Variants in AK3 observed in about 807,000 individuals in gnomAD.
AK3 encodes the protein adenylate kinase 3, also known as GTP:AMP phosphotransferase AK3, mitochondrial.
AK3 carries 27 observed loss-of-function variants against 23.7 expected under a neutral mutation model. That is an observed-to-expected ratio of 1.14 (90% CI 0.84 to 1.57). The LOEUF is 1.57. Ranked by LOEUF, AK3 falls within the 40% of genes most tolerant of loss-of-function variation. The pLI, the probability that AK3 is intolerant of heterozygous loss-of-function variation, is 0.00. For missense variants in AK3, 406 were observed against 285.6 expected (o/e 1.42, Z -3.04); for synonymous variants, 159 against 116.0 (o/e 1.37, Z -2.38).
chr9:4,714,161 C>G (rs548330588), intron 4 of AK3, among the ~76,000 whole-genome samples: 2 of 128,400 alleles, frequency 1.6e-5, no homozygotes, highest in Non-Finnish European at 3.2e-5. Context: ...TCCACATACA[C>G]ACACCTCCAC....
intron 1 of AK3, among the ~76,000 whole-genome samples, chr9:4,740,288 C>G (rs972626897): frequency 6.6e-6 from 1 of 151,848 alleles, no homozygotes; most frequent in African/African-American, 2.4e-5. Flanking sequence ...TTGTTAACTG[C>G]CTTTCGTGCC....
chr9:4,729,015 A>ATATATATATATATATTTTTT (rs71326127), intron 1 of AK3, among the ~76,000 whole-genome samples: 2 of 129,450 alleles, frequency 1.5e-5, no homozygotes, highest in Admixed American at 8.0e-5. Flanking sequence ...ATATATATAT[A>ATATATATATATATATTTTTT]TTTTTTTTTT....
intron 4 of AK3, among the ~76,000 whole-genome samples, chr9:4,713,976 T>TACACGCC (rs1563780934): frequency 3.1e-4 from 3 of 9,834 alleles, no homozygotes; most frequent in African/African-American, 4.7e-4. Flanking sequence ...ACCTCCACAT[T>TACACGCC]TACACACCTA....
intron 4 of AK3, among the ~76,000 whole-genome samples, chr9:4,713,904 GCCTA>G (rs1841630241): frequency 2.2e-3 from 2 of 902 alleles, no homozygotes; most frequent in African/African-American, 9.1e-3. Context: ...GTACACCTAC[GCCTA>G]CACATATACA....
chr9:4,715,691 C>G (rs1257511478), intron 4 of AK3, among the ~76,000 whole-genome samples: 1 of 152,156 alleles, frequency 6.6e-6, no homozygotes, highest in African/African-American at 2.4e-5. Context: ...GCCACTGTCC[C>G]AGGCCCCTTC....
intron 3 of AK3, 140 bp downstream of exon 3, chr9:4,718,995 G>C (rs1049875612): frequency 7.8e-5 from 74 of 945,892 alleles, no homozygotes; most frequent in Non-Finnish European, 1.1e-4. Flanking sequence ...GACTTGATCA[G>C]TCAACTCTAC....
At chr9:4,722,776 G>T in intron 1 of AK3, 151 bp from the exon 2 acceptor site, 1 of 1,239,698 alleles carries the variant, frequency 8.1e-7, no homozygotes, top group Non-Finnish European at 1.1e-6. Context: ...AAAGGTTATG[G>T]CCGGGAACAG....
chr9:4,734,668 T>C (rs1392687600), intron 1 of AK3, among the ~76,000 whole-genome samples: 3 of 152,188 alleles, frequency 2.0e-5, no homozygotes, highest in African/African-American at 7.2e-5. Flanking sequence ...TGACCAGGCT[T>C]ACCTTTTTAA....
chr9:4,720,198 A>G (rs922045729), intron 2 of AK3, among the ~76,000 whole-genome samples: 1 of 152,200 alleles, frequency 6.6e-6, no homozygotes, highest in African/African-American at 2.4e-5. Flanking sequence ...TAGCTAAACA[A>G]TGTGGTTCAA....
Position 4,713,004 on chromosome 9 carries a change from C to G in AK3, c.656G>C (p.Arg219Thr), listed in dbSNP as rs1225462093. Residue 219 changes from arginine to threonine, a missense_variant, in exon 5 of 5, where the codon AGA becomes ACA. Transcript: ENST00000381809. ...YAFLQTKVPQ[R>T]SQKASVTP is the part of the protein sequence containing the mutation. ...TGGAGTAACTGAAGCTTTCTGGCTT[C>G]TTTGTGGAACTTTAGTTTGTAGGAA... 1.2e-6 allele frequency: 2 copies of G among 1,613,646 alleles called. No homozygotes were observed. The highest frequency in any genetic ancestry group is 1.7e-6 in the Non-Finnish European group (2 of 1,179,714).
At position 4,717,757 on chromosome 9, in the gene AK3, C is replaced by T. The variant is rs190790397; in HGVS notation, c.563+662G>A. On this transcript the variant is annotated intron_variant, in intron 4 of 4. Transcript: ENST00000381809. ...AAACAGGCTTTGTGTTAGATGATTT[C>T]GCCCAACTGTAGGCTAATCTAAGTG... Among the ~76,000 whole-genome samples, 285 of 152,306 alleles carry T rather than the reference C, an allele frequency of 1.9e-3. 1 individual carries two copies. Among genetic ancestry groups the T allele is most frequent in the Non-Finnish European group, 3.5e-3 (241 of 68,024 alleles).
rs532594797 is a variant in AK3, at chr9:4,734,988, G to T, written c.151+5949C>A. ...CAGGAGGTGAGTTGGTGTTGCCAGA[G>T]GCTCAGGTGGAGGGGTGTGGGGTAG... On this transcript the variant is annotated intron_variant, in intron 1 of 4. Coordinates refer to ENST00000381809, the MANE Select transcript of AK3 (RefSeq NM_016282.4). Among the ~76,000 whole-genome samples the T allele has an allele frequency of 1.9e-3, 285 of 151,830 alleles. 1 individual carries two copies. The highest frequency in any genetic ancestry group is 5.2e-3 in the Admixed American group (79 of 15,246).
intron 1 of AK3, among the ~76,000 whole-genome samples, chr9:4,731,908 G>T (rs897395775): frequency 6.6e-6 from 1 of 152,046 alleles, no homozygotes; most frequent in Non-Finnish European, 1.5e-5. Flanking sequence ...TCTTTATGAC[G>T]ATCCACTTCC....
chr9:4,725,470 C>T (rs1321835793), intron 1 of AK3, among the ~76,000 whole-genome samples: 2 of 151,898 alleles, frequency 1.3e-5, no homozygotes, highest in African/African-American at 4.8e-5. Flanking sequence ...CTTCAAAGAA[C>T]ATCATTAAGA....
At chr9:4,728,882 C>CACACACAT (rs1424093187) in intron 1 of AK3, among the ~76,000 whole-genome samples, 3 of 81,844 alleles carry the variant, frequency 3.7e-5, no homozygotes, top group African/African-American at 1.1e-4. Flanking sequence ...CACACACACA[C>CACACACAT]ATACATATAT....
chr9:4,728,886 CATATATAT>C (rs1554627014), intron 1 of AK3, among the ~76,000 whole-genome samples: 3 of 140,140 alleles, frequency 2.1e-5, no homozygotes, highest in South Asian at 2.2e-4. Flanking sequence ...CACACACATA[CATATATAT>C]ACACATACTT....
At position 4,711,253 on chromosome 9, in the gene AK3, A is replaced by T. The variant is rs1481680967; in HGVS notation, c.*1723T>A. ...TGGGATGGAGCAGGCCCTGTGAAGG[A>T]CCAAGAACAAAGTAATAGCCACAGT... On this transcript the variant is annotated 3_prime_UTR_variant, in exon 5 of 5. Coordinates refer to ENST00000381809, the MANE Select transcript of AK3 (RefSeq NM_016282.4). The T allele has an allele frequency of 6.5e-6, 1 of 152,682 alleles. No homozygotes were observed. Among genetic ancestry groups the T allele is most frequent in the East Asian group, 1.9e-4 (1 of 5,204 alleles). 9.5% of individuals were successfully genotyped at this position (152,682 alleles called of 1,614,324 possible).
intron 4 of AK3, among the ~76,000 whole-genome samples, chr9:4,713,388 A>AT (rs1841614770): frequency 6.6e-6 from 1 of 152,214 alleles, no homozygotes. Context: ...CATGCTTTAC[A>AT]TATTATAGTT....
At chr9:4,724,333 C>T (rs1841972455) in intron 1 of AK3, among the ~76,000 whole-genome samples, 1 of 152,004 alleles carries the variant, frequency 6.6e-6, no homozygotes, top group Non-Finnish European at 1.5e-5. Context: ...TCTCCCCTCA[C>T]CTCTCACTCT....
Sources: allele counts gnomAD v4.1 joint callset (sites outside exome capture counted in the v4.1 genomes callset), GRCh38; gene constraint gnomAD v4.1.1; transcripts MANE v1.5; gene names NCBI Gene and HGNC (gene_info 2026-07-23, HGNC 2026-07-21).